The following REEP1 variants were observed in gnomAD, a reference collection of about 807,000 sequenced individuals.
REEP1 encodes receptor expression-enhancing protein 1.
REEP1 carries 22 observed loss-of-function variants against 40.3 expected under a neutral mutation model. That is an observed-to-expected ratio of 0.55 (90% CI 0.39 to 0.78). The LOEUF (loss-of-function observed/expected upper bound fraction) is 0.78. Ranked by LOEUF, REEP1 falls within the 30% of genes least tolerant of loss-of-function variation. REEP1 has a pLI of 0.00. For synonymous variants in REEP1, 116 were observed against 139.2 expected (o/e 0.83, Z 1.17); for missense variants, 280 against 361.1 (o/e 0.78, Z 1.82).
intron 5 of REEP1, among the ~76,000 whole-genome samples, chr2:86,246,495 CT>C (rs1675963170): frequency 6.6e-6 from 1 of 152,048 alleles, no homozygotes; most frequent in South Asian, 2.1e-4. Flanking sequence ...TCCGGGGGAA[CT>C]AAAACATTAT....
Position 86,215,507 on chromosome 2 carries a change from T to A in REEP1, c.*1532A>T, listed in dbSNP as rs1455056522. On this transcript the variant is annotated 3_prime_UTR_variant, in exon 9 of 9. Transcript: ENST00000538924. ...TATATGGTATATAACACTAATTCTC[T>A]AGTCTTCTGGGCATATCTACGAACA... 6.6e-6 allele frequency: 1 copy of A among 152,642 alleles called. No homozygotes were observed. The highest frequency in any genetic ancestry group is 2.4e-5 in the African/African-American group (1 of 41,454). The allele number at this position is 152,642 out of a possible 1,614,324, so 9.5% of individuals were successfully genotyped here.
At chr2:86,325,532 A>C (rs1359202515) in intron 1 of REEP1, among the ~76,000 whole-genome samples, 1 of 152,206 alleles carries the variant, frequency 6.6e-6, no homozygotes, top group Non-Finnish European at 1.5e-5. Flanking sequence ...AGTGGGCCCT[A>C]TTTGATTTGT....
intron 1 of REEP1, among the ~76,000 whole-genome samples, chr2:86,307,388 T>A (rs1298802145): frequency 1.3e-5 from 2 of 152,180 alleles, no homozygotes; most frequent in Admixed American, 1.3e-4. Flanking sequence ...TATTTATTTA[T>A]TGTCCATTTG....
At chr2:86,262,732 C>T (rs542267137) in intron 3 of REEP1, among the ~76,000 whole-genome samples, 3 of 152,320 alleles carry the variant, frequency 2.0e-5, no homozygotes, top group South Asian at 2.1e-4. Flanking sequence ...TTAAAACATT[C>T]GTACAACACA....
intron 1 of REEP1, among the ~76,000 whole-genome samples, chr2:86,336,350 C>T (rs1681031457): frequency 6.6e-6 from 1 of 152,008 alleles, no homozygotes; most frequent in African/African-American, 2.4e-5. Context: ...AGATCCACTT[C>T]GGAAGGGAAA....
At position 86,337,112 on chromosome 2, in the gene REEP1, G is replaced by A. The variant is rs1281579531; in HGVS notation, c.32+367C>T. On this transcript the variant is annotated intron_variant, in intron 1 of 8. Coordinates refer to ENST00000538924, the MANE Select transcript of REEP1 (RefSeq NM_001371279.1). This position sits in a 1 kb window ranked among gnomAD's most constrained non-coding sequence, Gnocchi z 5.8. ...GGGCGACCTCACATTTCTGCCAAAG[G>A]AGAGAGACGCGTGTCCGCGGTGCGC... 1 of 155,146 alleles carries A rather than the reference G, an allele frequency of 6.4e-6. No homozygotes were observed. The highest frequency in any genetic ancestry group is 1.9e-4 in the East Asian group (1 of 5,356). The allele number at this position is 155,146 out of a possible 1,614,324, so 9.6% of individuals were successfully genotyped here. A position where few individuals can be genotyped will look rare whatever the true frequency, so the allele number is the denominator to read the frequency against.
chr2:86,249,998 T>C (rs1229356899), intron 5 of REEP1, among the ~76,000 whole-genome samples: 2 of 152,218 alleles, frequency 1.3e-5, no homozygotes, highest in Non-Finnish European at 2.9e-5. Flanking sequence ...AATGAGCAGT[T>C]ATTTCCTGAG....
chr2:86,304,531 A>G (rs1407729969), intron 1 of REEP1, among the ~76,000 whole-genome samples: 1 of 152,198 alleles, frequency 6.6e-6, no homozygotes, highest in East Asian at 1.9e-4. Flanking sequence ...TCTAATTTTC[A>G]TTTAGCAGAC....
At chr2:86,263,515 A>T (rs1413271676) in intron 3 of REEP1, among the ~76,000 whole-genome samples, 1 of 152,176 alleles carries the variant, frequency 6.6e-6, no homozygotes, top group East Asian at 1.9e-4. Context: ...CTGGGATTAC[A>T]GGCATGAGCC....
chr2:86,228,797 C>A (rs1406787614), intron 6 of REEP1, among the ~76,000 whole-genome samples: 1 of 152,186 alleles, frequency 6.6e-6, no homozygotes, highest in Non-Finnish European at 1.5e-5. Flanking sequence ...TATTCCCACA[C>A]CCCACTCACA....
intron 7 of REEP1, among the ~76,000 whole-genome samples, chr2:86,221,809 G>A (rs1212878031): frequency 1.3e-5 from 2 of 152,156 alleles, no homozygotes; most frequent in Non-Finnish European, 2.9e-5. Flanking sequence ...GTCAGAGCTT[G>A]ACACCCCCAT....
intron 1 of REEP1, chr2:86,297,622 C>T: frequency 2.4e-6 from 2 of 846,266 alleles, no homozygotes; most frequent in Non-Finnish European, 2.8e-6. Context: ...CCACTACCTG[C>T]AAGAGAGATT....
intron 1 of REEP1, among the ~76,000 whole-genome samples, chr2:86,304,603 G>A (rs1679401473): frequency 6.6e-6 from 1 of 152,194 alleles, no homozygotes; most frequent in African/African-American, 2.4e-5. Flanking sequence ...AAGAAGTTAA[G>A]CAAACAAAGA....
At chr2:86,232,549 A>T in intron 6 of REEP1, 76 bp downstream of exon 6, 1 of 1,543,030 alleles carries the variant, frequency 6.5e-7, no homozygotes, top group Middle Eastern at 1.7e-4. Flanking sequence ...GCTGCATGCC[A>T]CACTGCGGAC....
At chr2:86,334,392 G>C (rs115105547) in intron 1 of REEP1, among the ~76,000 whole-genome samples, 6 of 152,236 alleles carry the variant, frequency 3.9e-5, no homozygotes, top group East Asian at 3.9e-4. Context: ...TATACAAAAC[G>C]TGACTCGCGG....
intron 2 of REEP1, among the ~76,000 whole-genome samples, chr2:86,277,776 G>C (rs1009757464): frequency 1.3e-5 from 2 of 152,170 alleles, no homozygotes; most frequent in African/African-American, 2.4e-5. Context: ...GTATCCTGTG[G>C]AATGCTAGGT....
chr2:86,320,180 C>T (rs1558935510), intron 1 of REEP1, among the ~76,000 whole-genome samples: 1 of 152,202 alleles, frequency 6.6e-6, no homozygotes, highest in Non-Finnish European at 1.5e-5. Context: ...TAAAAACACC[C>T]ATTCTCTAGT....
intron 8 of REEP1, among the ~76,000 whole-genome samples, 174 bp downstream of exon 8, chr2:86,219,796 T>C (rs961189275): frequency 6.6e-6 from 1 of 152,138 alleles, no homozygotes; most frequent in Admixed American, 6.5e-5. Flanking sequence ...CCTTGGCAAG[T>C]AGCTGGATGC....
chr2:86,276,530 C>A (rs758017069), intron 2 of REEP1, among the ~76,000 whole-genome samples: 4 of 152,172 alleles, frequency 2.6e-5, no homozygotes, highest in Non-Finnish European at 5.9e-5. Context: ...ATCTTATGCA[C>A]CCAATGCCCT....
Sources: allele counts gnomAD v4.1 joint callset (sites outside exome capture counted in the v4.1 genomes callset), GRCh38; gene constraint gnomAD v4.1.1; non-coding constraint Gnocchi (gnomAD v3.1); transcripts MANE v1.5; gene names NCBI Gene and HGNC (gene_info 2026-07-23, HGNC 2026-07-21).